The following DMRT1 variants were observed in gnomAD, a reference collection of about 807,000 sequenced individuals.
DMRT1 encodes doublesex and mab-3 related transcription factor 1.
A neutral mutation model predicts 32.3 loss-of-function variants in DMRT1; 7 were observed. That is an observed-to-expected ratio of 0.22 (90% CI 0.12 to 0.41). The LOEUF is 0.41. Among genes scored for constraint, DMRT1 ranks in the 10% least tolerant of loss-of-function variants. The pLI, the probability that DMRT1 is intolerant of heterozygous loss-of-function variation, is 1.00. For missense variants in DMRT1, 625 were observed against 500.5 expected (o/e 1.25, Z -2.37); for synonymous variants, 278 against 206.1 (o/e 1.35, Z -2.99).
At chr9:961,897 T>C (rs1819785513) in intron 4 of DMRT1, among the ~76,000 whole-genome samples, 1 of 152,198 alleles carries the variant, frequency 6.6e-6, no homozygotes, top group African/African-American at 2.4e-5. Flanking sequence ...TATTACCCCC[T>C]TTTCACAGAT....
intron 2 of DMRT1, among the ~76,000 whole-genome samples, chr9:864,314 C>G (rs1815864618): frequency 6.6e-6 from 1 of 150,506 alleles, no homozygotes; most frequent in African/African-American, 2.5e-5. Context: ...AAGCGATTCT[C>G]CACTTCAGCC....
chr9:899,319 A>G (rs1416499784), intron 3 of DMRT1, among the ~76,000 whole-genome samples: 1 of 152,208 alleles, frequency 6.6e-6, no homozygotes, highest in Non-Finnish European at 1.5e-5. Context: ...ATGAGTAGAA[A>G]GGGTTTCGAA....
At chr9:869,964 ATGT>A (rs887132221) in intron 2 of DMRT1, among the ~76,000 whole-genome samples, 3 of 152,176 alleles carry the variant, frequency 2.0e-5, no homozygotes, top group Non-Finnish European at 4.4e-5. Context: ...GTATATGGTA[ATGT>A]TGTAAAAATA....
chr9:961,089 T>A (rs2129996754), intron 4 of DMRT1, among the ~76,000 whole-genome samples: 1 of 152,122 alleles, frequency 6.6e-6, no homozygotes, highest in African/African-American at 2.4e-5. Flanking sequence ...CATGGAGAGG[T>A]TAAGGGACCT....
intron 2 of DMRT1, among the ~76,000 whole-genome samples, chr9:862,448 G>A (rs911200138): frequency 5.4e-5 from 8 of 149,294 alleles, no homozygotes; most frequent in African/African-American, 2.0e-4. Context: ...CGAGATGGCG[G>A]CAGCACAGTC....
intron 4 of DMRT1, among the ~76,000 whole-genome samples, chr9:927,127 G>C (rs530005216): frequency 2.0e-5 from 3 of 152,218 alleles, no homozygotes; most frequent in African/African-American, 7.2e-5. Context: ...TACTTCTGGA[G>C]TTTATTTTCC....
At chr9:846,898 C>A (rs1402439981) in intron 1 of DMRT1, 62 bp from the exon 2 acceptor site, 1 of 1,600,312 alleles carries the variant, frequency 6.2e-7, no homozygotes, top group Non-Finnish European at 8.6e-7. Context: ...GGTGGGGCTT[C>A]TGTGTTTTGG....
intron 3 of DMRT1, among the ~76,000 whole-genome samples, chr9:915,324 G>A (rs897070642): frequency 2.0e-5 from 3 of 152,314 alleles, no homozygotes; most frequent in East Asian, 3.9e-4. Flanking sequence ...GGCCAGGAAA[G>A]TGGAAATGGA....
intron 3 of DMRT1, among the ~76,000 whole-genome samples, chr9:906,693 C>T (rs900278968): frequency 6.6e-6 from 1 of 152,048 alleles, no homozygotes; most frequent in Non-Finnish European, 1.5e-5. Flanking sequence ...TTCTCATTTT[C>T]AGACAATCAA....
rs549396830 is a variant in DMRT1 at position 870,120 on chromosome 9, G to A, written c.538+22977G>A. Among the ~76,000 whole-genome samples the A allele has an allele frequency of 1.1e-4, 16 of 152,306 alleles. No individual in the cohort carries two copies. In the South Asian group the frequency reaches 3.1e-3, roughly 30 times the overall value. The stretch of plus-strand genomic sequence containing the variant: ...AACATGTAAGAAAGAATAGCTTGCC[G>A]GGCGCGGTGGCTCACGCCTGTAATC... On this transcript the variant is annotated intron_variant, in intron 2 of 4. Coordinates refer to ENST00000382276, the MANE Select transcript of DMRT1 (RefSeq NM_021951.3).
chr9:949,368 G>A (rs967749128), intron 4 of DMRT1, among the ~76,000 whole-genome samples: 1 of 149,874 alleles, frequency 6.7e-6, no homozygotes, highest in Non-Finnish European at 1.5e-5. Context: ...CTCTCTCGGG[G>A]AAAAAAAAAC....
intron 2 of DMRT1, among the ~76,000 whole-genome samples, chr9:887,111 A>G (rs1313835474): frequency 6.6e-6 from 1 of 152,176 alleles, no homozygotes; most frequent in Admixed American, 6.5e-5. Flanking sequence ...GAATCACTTG[A>G]ACCTGGGAGG....
intron 2 of DMRT1, among the ~76,000 whole-genome samples, chr9:864,966 G>T (rs574449625): frequency 7.4e-4 from 112 of 152,216 alleles, no homozygotes; most frequent in African/African-American, 2.6e-3. Context: ...GCAGGAATGG[G>T]GAGATATACT....
chr9:910,420 A>T (rs954945236), intron 3 of DMRT1, among the ~76,000 whole-genome samples: 11 of 152,060 alleles, frequency 7.2e-5, no homozygotes, highest in African/African-American at 2.7e-4. Context: ...GTCTTCACAA[A>T]TCCCTTTTAG....
At chr9:853,115 C>G (rs1815231906) in intron 2 of DMRT1, among the ~76,000 whole-genome samples, 1 of 152,062 alleles carries the variant, frequency 6.6e-6, no homozygotes, top group Admixed American at 6.6e-5. Context: ...AGGTTCACAG[C>G]AAAATTGAGA....
Position 893,595 on chromosome 9 carries a change from T to G in DMRT1, c.539-317T>G, listed in dbSNP as rs1008928745. Among the ~76,000 whole-genome samples the G allele has an allele frequency of 1.4e-4, 21 of 152,268 alleles. 1 individual carries two copies. Among genetic ancestry groups the G allele is most frequent in the African/African-American group, 5.1e-4 (21 of 41,474 alleles). Reference sequence around the variant, plus strand: ...ACAATCAGGTCAACTAGATTTGCTCTTCAGTTTCTTGACATTAGGATAGGA... The same window carrying G: ...ACAATCAGGTCAACTAGATTTGCTCGTCAGTTTCTTGACATTAGGATAGGA... On this transcript the variant is annotated intron_variant, in intron 2 of 4. Coordinates refer to ENST00000382276, the MANE Select transcript of DMRT1 (RefSeq NM_021951.3).
At chr9:901,110 A>G (rs1285538488) in intron 3 of DMRT1, among the ~76,000 whole-genome samples, 1 of 151,824 alleles carries the variant, frequency 6.6e-6, no homozygotes, top group African/African-American at 2.4e-5. Context: ...CACCTCCTGG[A>G]CTTAAGCGAT....
intron 3 of DMRT1, chr9:894,905 C>G (rs1204025710): frequency 6.6e-6 from 1 of 152,498 alleles, no homozygotes; most frequent in African/African-American, 2.4e-5. Flanking sequence ...CTTCTGCCTC[C>G]TGGGTTCAAG....
chr9:916,057 T>C (rs1818170037), intron 3 of DMRT1, among the ~76,000 whole-genome samples: 2 of 152,086 alleles, frequency 1.3e-5, no homozygotes, highest in South Asian at 4.1e-4. Flanking sequence ...ATACTCTCCT[T>C]ATATGAACAC....
Sources: gnomAD v4.1 joint callset for allele counts (sites outside exome capture counted in the v4.1 genomes callset) on GRCh38, gnomAD v4.1.1 for gene constraint, MANE v1.5 for transcripts, NCBI Gene and HGNC (gene_info 2026-07-23, HGNC 2026-07-21) for gene names.